The following LRRC4C variants were observed in gnomAD, a reference collection of about 807,000 sequenced individuals.
The protein encoded by LRRC4C is leucine-rich repeat-containing protein 4C.
In LRRC4C, 5 loss-of-function variants were observed where a neutral mutation model predicts 33.6. The observed-to-expected ratio is 0.15, with a 90% confidence interval of 0.08 to 0.31. The LOEUF is 0.31. Among genes scored for constraint, LRRC4C ranks in the 10% least tolerant of loss-of-function variants. LRRC4C has a pLI of 1.00. For synonymous variants in LRRC4C, 329 were observed against 302.0 expected, an observed-to-expected ratio of 1.09 and a Z score of -0.93; for missense variants, 560 against 796.7, an observed-to-expected ratio of 0.70 and a Z score of 3.58.
intron 1 of LRRC4C, among the ~76,000 whole-genome samples, chr11:41,344,472 G>A (rs565421498): frequency 1.2e-4 from 19 of 152,076 alleles, no homozygotes; most frequent in Admixed American, 9.8e-4. Context: ...CGCCCGCCTC[G>A]GCCTCCCAAA....
At chr11:40,432,832 A>G (rs1013986779) in intron 3 of LRRC4C, among the ~76,000 whole-genome samples, 2 of 152,240 alleles carry the variant, frequency 1.3e-5, no homozygotes, top group East Asian at 1.9e-4. Context: ...CAACCCATAA[A>G]TAAAAGTGCT....
intron 2 of LRRC4C, among the ~76,000 whole-genome samples, chr11:40,925,723 A>C (rs1208485360): frequency 6.6e-6 from 1 of 152,170 alleles, no homozygotes; most frequent in African/African-American, 2.4e-5. Flanking sequence ...CTGAGTCCCC[A>C]TGGTAAAAAT....
intron 2 of LRRC4C, among the ~76,000 whole-genome samples, chr11:40,834,455 A>G (rs1412160065): frequency 6.7e-6 from 1 of 150,048 alleles, no homozygotes; most frequent in Non-Finnish European, 1.5e-5. Context: ...TGCATGATAG[A>G]GTGAGATTCC....
intron 2 of LRRC4C, among the ~76,000 whole-genome samples, chr11:40,872,424 T>A (rs75006655): frequency 0.082 from 12,490 of 152,136 alleles, 916 homozygotes; most frequent in African/African-American, 0.19. Flanking sequence ...AGCAAAATAA[T>A]TCACTTATGG....
intron 3 of LRRC4C, among the ~76,000 whole-genome samples, chr11:40,473,938 C>T (rs1024759811): frequency 6.6e-6 from 1 of 152,024 alleles, no homozygotes; most frequent in Admixed American, 6.6e-5. Flanking sequence ...AACCACTGCT[C>T]ACAGAAATAA....
Position 40,734,920 on chromosome 11 carries a change from G to A in LRRC4C, c.-406-86642C>T, listed in dbSNP as rs193045487. Among the ~76,000 whole-genome samples, 45 of 152,074 alleles carry A rather than the reference G, an allele frequency of 3.0e-4. 2 individuals carry two copies. In the East Asian group the frequency reaches 7.6e-3, roughly 26 times the overall value. On this transcript the variant is annotated intron_variant, in intron 2 of 6. Transcript: ENST00000528697. ...TGAGGAAGAGCCACCCGCAATGTGC[G>A]CAAGAACCACCCAATCAGCTAGGGG... is the stretch of plus-strand genomic sequence containing the variant.
intron 1 of LRRC4C, among the ~76,000 whole-genome samples, chr11:41,248,521 C>T (rs146449875): frequency 3.3e-3 from 506 of 152,208 alleles, no homozygotes; most frequent in Non-Finnish European, 5.6e-3. Flanking sequence ...AATGGATTAT[C>T]CTCCTACTAC....
intron 4 of LRRC4C, among the ~76,000 whole-genome samples, chr11:40,290,617 T>G (rs548956882): frequency 6.6e-6 from 1 of 152,304 alleles, no homozygotes; most frequent in East Asian, 1.9e-4. Context: ...AATGACTCTC[T>G]GGGGACCACC....
intron 1 of LRRC4C, among the ~76,000 whole-genome samples, chr11:41,410,884 T>G (rs1459410229): frequency 1.3e-5 from 2 of 151,972 alleles, no homozygotes. Context: ...TAAAATCCAT[T>G]AGGTGAATTG....
intron 3 of LRRC4C, among the ~76,000 whole-genome samples, chr11:40,330,207 A>G (rs945880881): frequency 2.0e-5 from 3 of 152,126 alleles, no homozygotes; most frequent in Admixed American, 1.3e-4. Flanking sequence ...TTATCTGTCA[A>G]CTTGACTGGG....
intron 1 of LRRC4C, among the ~76,000 whole-genome samples, chr11:41,036,321 C>T (rs1465638019): frequency 1.3e-5 from 2 of 152,072 alleles, no homozygotes; most frequent in Non-Finnish European, 2.9e-5. Context: ...GGCATTATAG[C>T]AGATAAATTG....
Position 41,163,284 on chromosome 11 carries a change from G to GTTTTTT in LRRC4C, c.-495-229567_-495-229562dup, listed in dbSNP as rs71466923. Among the ~76,000 whole-genome samples, 160 of 73,364 alleles carry GTTTTTT rather than the reference G, an allele frequency of 2.2e-3. 37 individuals carry two copies. The highest frequency in any genetic ancestry group is 3.9e-3 in the Admixed American group (17 of 4,392). The allele number at this position is 73,364 out of a possible 152,430, so 48.1% of individuals were successfully genotyped here. On this transcript the variant is annotated intron_variant, in intron 1 of 6. Transcript: ENST00000528697. ...GTAATAAACTTAGTTTACTGTAACT[G>GTTTTTT]TTTTTTTTTTTTTTTTTCAAACAGG...
At chr11:40,237,450 C>T (rs1262203031) in intron 5 of LRRC4C, among the ~76,000 whole-genome samples, 1 of 152,202 alleles carries the variant, frequency 6.6e-6, no homozygotes, top group Non-Finnish European at 1.5e-5. Flanking sequence ...ATCTTTCTTA[C>T]TCTCTATTTG....
At chr11:41,215,014 GTATATATA>G (rs34328057) in intron 1 of LRRC4C, among the ~76,000 whole-genome samples, 4,942 of 131,072 alleles carry the variant, frequency 0.038, 131 homozygotes, top group African/African-American at 0.07. Context: ...TTTTATTCAT[GTATATATA>G]TATATATATA....
chr11:40,460,643 C>T (rs1245793245), intron 3 of LRRC4C, among the ~76,000 whole-genome samples: 2 of 152,160 alleles, frequency 1.3e-5, no homozygotes, highest in Non-Finnish European at 2.9e-5. Context: ...ACATTTAGTT[C>T]ACCACAATTT....
chr11:41,150,864 A>G (rs1371350153), intron 1 of LRRC4C, among the ~76,000 whole-genome samples: 1 of 152,130 alleles, frequency 6.6e-6, no homozygotes, highest in Non-Finnish European at 1.5e-5. Context: ...TTAGTAGGAA[A>G]GCAAAATATT....
At chr11:41,416,193 G>GA (rs545666085) in intron 1 of LRRC4C, among the ~76,000 whole-genome samples, 86 of 151,942 alleles carry the variant, frequency 5.7e-4, no homozygotes, top group Non-Finnish European at 1.1e-3. Context: ...AGGAGAAGAG[G>GA]AAAAAATGGA....
Position 40,335,821 on chromosome 11 carries a change from C to T in LRRC4C, c.-269-16100G>A, listed in dbSNP as rs577751886. 2.7e-4 allele frequency among the ~76,000 whole-genome samples: 41 copies of T among 152,284 alleles called. No individual in the cohort carries two copies. In the South Asian group the frequency reaches 4.8e-3, roughly 18 times the overall value. ...CTGTGTAACGCAGGTAAGTAAGTAA[C>T]GCAGCCAAGTGAGTTCTGGACCCAG... is the stretch of plus-strand genomic sequence containing the variant. On this transcript the variant is annotated intron_variant, in intron 3 of 6. Coordinates refer to ENST00000528697, the MANE Select transcript of LRRC4C (RefSeq NM_001258419.2).
rs563657827 is a variant in LRRC4C at position 40,339,705 on chromosome 11, CAT to C, written c.-269-19986_-269-19985del. ...CAGAAAATTTTTGTTAATCATAAAT[CAT>C]ATGTTAATCATAACCGTAAAAAGGT... On this transcript the variant is annotated intron_variant, in intron 3 of 6. Transcript: ENST00000528697. Among the ~76,000 whole-genome samples the C allele has an allele frequency of 3.6e-3, 541 of 152,252 alleles. 1 individual carries two copies. Among genetic ancestry groups the C allele is most frequent in the African/African-American group, 0.012 (513 of 41,548 alleles).
Sources: allele counts gnomAD v4.1 joint callset (sites outside exome capture counted in the v4.1 genomes callset), GRCh38; gene constraint gnomAD v4.1.1; transcripts MANE v1.5; gene names NCBI Gene and HGNC (gene_info 2026-07-23, HGNC 2026-07-21).